The following GRIP2 variants were observed in gnomAD, a reference collection of about 807,000 sequenced individuals.
The protein encoded by GRIP2 is glutamate receptor interacting protein 2, also known as glutamate receptor-interacting protein 2.
GRIP2 carries 58 observed loss-of-function variants against 108.3 expected under a neutral mutation model. That is an observed-to-expected ratio of 0.54 (90% confidence interval 0.43 to 0.67). The LOEUF (loss-of-function observed/expected upper bound fraction) is 0.67. Ranked by LOEUF, GRIP2 falls within the 30% of genes least tolerant of loss-of-function variation. GRIP2 has a pLI of 0.00. For missense variants in GRIP2, 1,278 were observed against 1,430.6 expected, an observed-to-expected ratio of 0.89 and a Z score of 1.72; for synonymous variants, 586 against 598.2, an observed-to-expected ratio of 0.98 and a Z score of 0.30.
chr3:14,547,046 C>A (rs1427731513), upstream of GRIP2, among the ~76,000 whole-genome samples: 2 of 152,150 alleles, frequency 1.3e-5, no homozygotes, highest in Non-Finnish European at 2.9e-5. Context: ...GGACTCCATC[C>A]TAGGGTAGGG....
At chr3:14,587,276 T>C in the GRIP2 span, among the ~76,000 whole-genome samples, 2 of 152,204 alleles carry the variant, frequency 1.3e-5, no homozygotes, top group South Asian at 2.1e-4. Flanking sequence ...AAACATCTTA[T>C]GTGGTTTTAT....
At chr3:14,534,947 G>A (rs1280193755) in intron 1 of GRIP2, among the ~76,000 whole-genome samples, 1 of 152,108 alleles carries the variant, frequency 6.6e-6, no homozygotes, top group Non-Finnish European at 1.5e-5. Context: ...GGGAGTGGGT[G>A]GGACTATAAA....
intron 9 of GRIP2, 27 bp downstream of exon 9, chr3:14,520,083 G>A: frequency 1.3e-6 from 2 of 1,560,102 alleles, no homozygotes; most frequent in South Asian, 2.4e-5. Context: ...CCAGGTTTGG[G>A]CCCTGAGATC....
At chr3:14,564,110 A>C in the GRIP2 span, among the ~76,000 whole-genome samples, 1 of 152,184 alleles carries the variant, frequency 6.6e-6, no homozygotes, top group Non-Finnish European at 1.5e-5. Flanking sequence ...CCGAGCCAAG[A>C]AAGAAAATGC....
chr3:14,578,284 C>T, the GRIP2 span, among the ~76,000 whole-genome samples: 18 of 152,294 alleles, frequency 1.2e-4, no homozygotes, highest in African/African-American at 4.1e-4. Flanking sequence ...ACACCACCAC[C>T]AGCTAGTGAC....
In GRIP2 at chr3:14,521,875, G is replaced by A. The variant is rs1172846397; in HGVS notation, c.567-88C>T. 4.7e-6 allele frequency: 6 copies of A among 1,285,096 alleles called. No individual in the cohort carries two copies. The African/African-American group carries it at 9.1e-5, about 19-fold the overall frequency. 79.6% of individuals were successfully genotyped at this position (1,285,096 alleles called of 1,614,324 possible). On this transcript the variant is annotated intron_variant, in intron 6 of 23. Transcript: ENST00000621039. This position sits in a 1 kb window ranked among gnomAD's most constrained non-coding sequence, Gnocchi z 5.1. ...AGGGCGCTGGGAAGCGGGACATGGA[G>A]GATGAAGAAGCAGGGAATGGGTGGG...
At position 14,511,165 on chromosome 3, in the gene GRIP2, C is replaced by T. The variant is rs759002134; in HGVS notation, c.1933G>A (p.Asp645Asn). 3.1e-6 allele frequency: 5 copies of T among 1,613,710 alleles called. No homozygotes were observed. The highest frequency in any genetic ancestry group is 4.2e-6 in the Non-Finnish European group (5 of 1,179,850). ...TAGGAGGCCAGCATGAGGGCCATAC[C>T]AGAGTTGTCCTCGTCCTTCCGGATC... The part of the protein sequence containing the change: ...LKIRKDEDNS[D>N]ELETTGAVSY... Residue 645 changes from aspartate to asparagine, a missense_variant and splice_region_variant, in exon 16 of 24, where the codon GAT becomes AAT. Coordinates refer to ENST00000621039, the MANE Select transcript of GRIP2 (RefSeq NM_001080423.4). The surrounding 1 kb of genome is among the most constrained non-coding windows in gnomAD (Gnocchi z 4.1).
rs1701279812 is a variant in GRIP2 at position 14,489,589 on chromosome 3, C to CTCTACTGAT, written c.*4067_*4075dup. 4 of 152,246 alleles carry CTCTACTGAT rather than the reference C, an allele frequency of 2.6e-5. No individual in the cohort carries two copies. The highest frequency in any genetic ancestry group is 2.6e-4 in the Admixed American group (4 of 15,292). 9.4% of individuals were successfully genotyped at this position (152,246 alleles called of 1,614,324 possible). On this transcript the variant is annotated 3_prime_UTR_variant, in exon 24 of 24. Transcript: ENST00000621039. Reference sequence around the variant, plus strand: ...GCCCATGAGCTCTTGGCTCTACTGGCTCTACTGATTCTACCTGCTACATGC... The same window carrying CTCTACTGAT: ...GCCCATGAGCTCTTGGCTCTACTGGCTCTACTGATTCTACTGATTCTACCTGCTACATGC...
rs887956745 is a variant in GRIP2 at position 14,522,008 on chromosome 3, T to G, written c.567-221A>C. On this transcript the variant is annotated intron_variant, in intron 6 of 23. Transcript: ENST00000621039. The surrounding 1 kb of genome is among the most constrained non-coding windows in gnomAD (Gnocchi z 4.3). ...AAGCAAGGGGGGGATGAAGACAGGA[T>G]GGGGTGGCTCTGCCGCCTGCCACTC... 1 of 532,050 alleles carries G rather than the reference T, an allele frequency of 1.9e-6. No homozygotes were observed. Among genetic ancestry groups the G allele is most frequent in the Non-Finnish European group, 3.3e-6 (1 of 303,296 alleles). 33.0% of individuals were successfully genotyped at this position (532,050 alleles called of 1,614,324 possible).
Position 14,525,794 on chromosome 3 carries a change from C to T in GRIP2, c.121+57G>A, listed in dbSNP as rs913521299. ...AGAGCCGTTGCCATCTGACCCCCAC[C>T]TAGGGCTCTCTGTGCCTCCAGGGCA... is the stretch of plus-strand genomic sequence containing the variant. On this transcript the variant is annotated intron_variant, in intron 2 of 23. Transcript: ENST00000621039. 1.2e-5 allele frequency: 18 copies of T among 1,515,634 alleles called. No individual in the cohort carries two copies. In the Admixed American group the frequency reaches 1.4e-4, roughly 12 times the overall value. The allele number at this position is 1,515,634 out of a possible 1,614,324, so 93.9% of individuals were successfully genotyped here.
At chr3:14,587,167 A>T in the GRIP2 span, among the ~76,000 whole-genome samples, 2 of 152,246 alleles carry the variant, frequency 1.3e-5, no homozygotes, top group Non-Finnish European at 2.9e-5. Context: ...AAATGTGTCC[A>T]TATCAGTTCT....
chr3:14,501,343 T>C (rs1294335184), intron 21 of GRIP2, among the ~76,000 whole-genome samples: 1 of 152,200 alleles, frequency 6.6e-6, no homozygotes, highest in Non-Finnish European at 1.5e-5. Context: ...TGGTTAAAAT[T>C]ATAAATTTTA....
rs1701344299 is a variant in GRIP2, at chr3:14,491,824, C to G, written c.*1841G>C. 1 of 152,338 alleles carries G rather than the reference C, an allele frequency of 6.6e-6. No individual in the cohort carries two copies. Among genetic ancestry groups the G allele is most frequent in the Non-Finnish European group, 1.5e-5 (1 of 68,132 alleles). 9.4% of individuals were successfully genotyped at this position (152,338 alleles called of 1,614,324 possible). On this transcript the variant is annotated 3_prime_UTR_variant, in exon 24 of 24. Coordinates refer to ENST00000621039, the MANE Select transcript of GRIP2 (RefSeq NM_001080423.4). ...ATCCAGAAGCCACACCTCTGCTGTG[C>G]TGTCCCTCACCCTCAAAAGTGAGGG...
At chr3:14,564,057 G>A in the GRIP2 span, among the ~76,000 whole-genome samples, 1 of 152,200 alleles carries the variant, frequency 6.6e-6, no homozygotes, top group Non-Finnish European at 1.5e-5. Flanking sequence ...CTAAAACCCT[G>A]CCAGGGGAAG....
At chr3:14,601,516 G>T in the GRIP2 span, among the ~76,000 whole-genome samples, 1 of 152,170 alleles carries the variant, frequency 6.6e-6, no homozygotes, top group South Asian at 2.1e-4. Flanking sequence ...TGCTCCATCC[G>T]CACCAACTCA....
chr3:14,557,024 G>A (rs556337449), upstream of GRIP2, among the ~76,000 whole-genome samples: 31 of 152,346 alleles, frequency 2.0e-4, no homozygotes, highest in African/African-American at 5.1e-4. Flanking sequence ...CAAGACACCC[G>A]CTCGGGAATC....
At chr3:14,556,912 CCT>C (rs1464323782), upstream of GRIP2, among the ~76,000 whole-genome samples, 1 of 152,196 alleles carries the variant, frequency 6.6e-6, no homozygotes, top group African/African-American at 2.4e-5. Context: ...AGGTTCCTGC[CCT>C]CTCTCTACCA....
intron 1 of GRIP2, among the ~76,000 whole-genome samples, chr3:14,554,883 T>G (rs1223270783): frequency 6.6e-6 from 1 of 152,180 alleles, no homozygotes; most frequent in African/African-American, 2.4e-5. Flanking sequence ...GTGAATGTAC[T>G]GCTTGGCACA....
chr3:14,523,082 A>G lies in GRIP2; in HGVS notation c.491-7T>C. 1 of 1,593,280 alleles carries G rather than the reference A, an allele frequency of 6.3e-7. No individual in the cohort carries two copies. The highest frequency in any genetic ancestry group is 2.3e-5 in the East Asian group (1 of 44,410). Reference sequence around the variant, plus strand: ...CCATCTTCATGGGCACCTCCTGGACAGGATTTGACAAGAAGCAGGAATCAT... The same window carrying G: ...CCATCTTCATGGGCACCTCCTGGACGGGATTTGACAAGAAGCAGGAATCAT... On this transcript the variant is annotated splice_region_variant and splice_polypyrimidine_tract_variant and intron_variant, in intron 5 of 23. Transcript: ENST00000621039.
Sources: gnomAD v4.1 joint callset for allele counts (sites outside exome capture counted in the v4.1 genomes callset) on GRCh38, gnomAD v4.1.1 for gene constraint, Gnocchi (gnomAD v3.1) non-coding constraint, MANE v1.5 for transcripts, NCBI Gene and HGNC (gene_info 2026-07-23, HGNC 2026-07-21) for gene names.